The following CACNA2D3 variants were observed in gnomAD, a reference collection of about 807,000 sequenced individuals.
CACNA2D3 encodes calcium voltage-gated channel auxiliary subunit alpha2delta 3, also known as voltage-dependent calcium channel subunit alpha-2/delta-3.
Under a neutral mutation model 160.6 loss-of-function variants are expected in CACNA2D3, and 60 were observed. The ratio of observed to expected loss-of-function variants is 0.37; its 90% CI spans 0.30 to 0.46. CACNA2D3 has a LOEUF of 0.46. Ranked by LOEUF, CACNA2D3 falls within the 20% of genes least tolerant of loss-of-function variation. The probability of loss-of-function intolerance (pLI) is 1.00; values close to 1 mark genes in which losing one functional copy is unlikely to be tolerated. For missense variants in CACNA2D3, 1,205 were observed against 1,365.0 expected (o/e 0.88, Z 1.85); for synonymous variants, 558 against 492.9 (o/e 1.13, Z -1.75).
intron 11 of CACNA2D3, among the ~76,000 whole-genome samples, chr3:54,736,381 A>G (rs1029014933): frequency 3.3e-5 from 5 of 151,938 alleles, no homozygotes; most frequent in Admixed American, 2.6e-4. Flanking sequence ...TGCAACATAA[A>G]TTCTTTCTGC....
At chr3:54,369,271 TA>T (rs373087511) in intron 3 of CACNA2D3, among the ~76,000 whole-genome samples, 76 of 145,686 alleles carry the variant, frequency 5.2e-4, no homozygotes, top group South Asian at 8.7e-4. Flanking sequence ...ACACAAACCT[TA>T]AAAAAAAAAA....
At chr3:54,714,413 G>A (rs1401716090) in intron 11 of CACNA2D3, among the ~76,000 whole-genome samples, 2 of 152,126 alleles carry the variant, frequency 1.3e-5, no homozygotes, top group African/African-American at 4.8e-5. Context: ...TTAACAGGAT[G>A]TTTTACTCAG....
intron 27 of CACNA2D3, among the ~76,000 whole-genome samples, chr3:54,912,472 C>T (rs1037928097): frequency 1.3e-5 from 2 of 152,120 alleles, no homozygotes; most frequent in African/African-American, 4.8e-5. Context: ...CACAGCCACA[C>T]TACCTCCTTG....
chr3:54,707,983 C>G (rs1187700534), intron 11 of CACNA2D3, among the ~76,000 whole-genome samples: 1 of 152,100 alleles, frequency 6.6e-6, no homozygotes, highest in African/African-American at 2.4e-5. Flanking sequence ...TTAAGTCCAC[C>G]TGTATCCACA....
chr3:54,926,359 C>A (rs986298632), intron 27 of CACNA2D3, among the ~76,000 whole-genome samples: 21 of 152,120 alleles, frequency 1.4e-4, no homozygotes, highest in African/African-American at 5.1e-4. Context: ...CAAGTTCACA[C>A]AGAGTATTAT....
chr3:54,516,651 G>A (rs1701555986), intron 5 of CACNA2D3, among the ~76,000 whole-genome samples: 1 of 152,192 alleles, frequency 6.6e-6, no homozygotes, highest in South Asian at 2.1e-4. Context: ...TGGGTTCCAA[G>A]TCTGGTTGCC....
At chr3:54,754,911 A>G (rs1701943079) in intron 12 of CACNA2D3, among the ~76,000 whole-genome samples, 1 of 151,956 alleles carries the variant, frequency 6.6e-6, no homozygotes, top group African/African-American at 2.4e-5. Flanking sequence ...GTGACTGAGA[A>G]CTCTGGTAGG....
At chr3:54,595,645 G>A (rs1236513044) in intron 9 of CACNA2D3, among the ~76,000 whole-genome samples, 1 of 152,146 alleles carries the variant, frequency 6.6e-6, no homozygotes, top group Non-Finnish European at 1.5e-5. Context: ...CGACCACACA[G>A]CCTGCCCTCT....
At chr3:54,925,635 A>G (rs1160326909) in intron 27 of CACNA2D3, among the ~76,000 whole-genome samples, 2 of 152,254 alleles carry the variant, frequency 1.3e-5, no homozygotes, top group African/African-American at 4.8e-5. Context: ...ATGCTGCAGA[A>G]CAGTGCTGTC....
chr3:54,148,729 C>T (rs1700085088), intron 2 of CACNA2D3, among the ~76,000 whole-genome samples: 1 of 152,126 alleles, frequency 6.6e-6, no homozygotes, highest in African/African-American at 2.4e-5. Flanking sequence ...GTATTCCCAG[C>T]ATTCTGGGAG....
chr3:54,362,496 C>T (rs1698759985), intron 3 of CACNA2D3, among the ~76,000 whole-genome samples: 1 of 152,170 alleles, frequency 6.6e-6, no homozygotes, highest in African/African-American at 2.4e-5. Flanking sequence ...TATTCACGGG[C>T]CCTGCCCACA....
chr3:54,774,057 T>A (rs963723269), intron 13 of CACNA2D3, among the ~76,000 whole-genome samples: 1 of 152,332 alleles, frequency 6.6e-6, no homozygotes, highest in South Asian at 2.1e-4. Flanking sequence ...TACAACATGA[T>A]GGCTTATTCA....
In CACNA2D3 at chr3:54,298,539, C is replaced by T. The variant is rs146060364; in HGVS notation, c.205-21903C>T. Among the ~76,000 whole-genome samples, 1,047 of 152,312 alleles carry T rather than the reference C, an allele frequency of 6.9e-3. 11 individuals carry two copies. Among genetic ancestry groups the T allele is most frequent in the African/African-American group, 0.024 (994 of 41,576 alleles). On this transcript the variant is annotated intron_variant, in intron 2 of 37. Transcript: ENST00000474759. ...GTAGGCCGGGCGCAGTGGCTCATGC[C>T]TGTAATCCCAGCATTTTGGGAGGCC...
At chr3:54,441,801 C>G (rs73089448) in intron 4 of CACNA2D3, among the ~76,000 whole-genome samples, 19,262 of 152,110 alleles carry the variant, frequency 0.13, 1,553 homozygotes, top group Admixed American at 0.24. Flanking sequence ...TATCCGTTAC[C>G]CAACAGGGGC....
intron 27 of CACNA2D3, among the ~76,000 whole-genome samples, chr3:54,955,922 G>A (rs1251860786): frequency 1.3e-5 from 2 of 152,158 alleles, no homozygotes; most frequent in African/African-American, 4.8e-5. Flanking sequence ...CTCGCCATCT[G>A]CCTGATGAAG....
chr3:54,828,550 CAG>C (rs1288970002), intron 14 of CACNA2D3, among the ~76,000 whole-genome samples: 3 of 152,130 alleles, frequency 2.0e-5, no homozygotes, highest in African/African-American at 7.2e-5. Context: ...AACAAAAGGA[CAG>C]AATATCAAAA....
chr3:54,847,950 C>A (rs2106777377), intron 17 of CACNA2D3, among the ~76,000 whole-genome samples: 1 of 152,276 alleles, frequency 6.6e-6, no homozygotes, highest in Non-Finnish European at 1.5e-5. Context: ...AAACCCAAAT[C>A]TTCTACCAGT....
At chr3:54,887,924 T>C in intron 23 of CACNA2D3, 35 bp from the exon 24 acceptor site, 2 of 1,563,430 alleles carry the variant, frequency 1.3e-6, no homozygotes. Flanking sequence ...CTTCCAGCCC[T>C]GCTGAAGCAT....
chr3:54,918,487 T>C (rs1313423223), intron 27 of CACNA2D3: 4 of 1,613,852 alleles, frequency 2.5e-6, no homozygotes, highest in Non-Finnish European at 3.4e-6. Context: ...AAATCGCTCT[T>C]TTTCTTCCAC....
Sources: gnomAD v4.1 joint callset for allele counts (sites outside exome capture counted in the v4.1 genomes callset) on GRCh38, gnomAD v4.1.1 for gene constraint, MANE v1.5 for transcripts, NCBI Gene and HGNC (gene_info 2026-07-23, HGNC 2026-07-21) for gene names.